Variants in KIAA0930 observed in about 807,000 individuals in gnomAD.
KIAA0930 encodes KIAA0930, also known as uncharacterized protein KIAA0930.
Under a neutral mutation model 43.9 loss-of-function variants are expected in KIAA0930, and 24 were observed. The ratio of observed to expected loss-of-function variants is 0.55; its 90% CI spans 0.40 to 0.77. KIAA0930 has a LOEUF of 0.77. Ranked by LOEUF, KIAA0930 falls within the 30% of genes least tolerant of loss-of-function variation. KIAA0930 has a pLI of 0.00. For synonymous variants in KIAA0930, 259 were observed against 216.4 expected, an observed-to-expected ratio of 1.20 and a Z score of -1.73; for missense variants, 461 against 574.2, an observed-to-expected ratio of 0.80 and a Z score of 2.02.
chr22:45,217,319 C>A (rs1158223340), intron 1 of KIAA0930, among the ~76,000 whole-genome samples: 5 of 139,734 alleles, frequency 3.6e-5, no homozygotes, highest in Non-Finnish European at 6.0e-5. Context: ...TAAAATCACG[C>A]CACTGCACTC....
At chr22:45,204,025 C>T in intron 5 of KIAA0930, 40 bp from the exon 6 acceptor site, 1 of 1,612,244 alleles carries the variant, frequency 6.2e-7, no homozygotes, top group Non-Finnish European at 8.5e-7. Flanking sequence ...TGACCATCAG[C>T]TCCCACCGCC....
chr22:45,233,835 G>T (rs1046065134), intron 1 of KIAA0930, among the ~76,000 whole-genome samples: 6 of 152,196 alleles, frequency 3.9e-5, no homozygotes, highest in African/African-American at 1.4e-4. Context: ...CAGGGGTTAT[G>T]ATATTAGATG....
At chr22:45,206,954 C>T (rs951989017) in intron 2 of KIAA0930, among the ~76,000 whole-genome samples, 1 of 151,940 alleles carries the variant, frequency 6.6e-6, no homozygotes, top group African/African-American at 2.4e-5. Context: ...CCACCTCGGC[C>T]TCCTAAAGTG....
Position 45,205,693 on chromosome 22 carries a change from C to T in KIAA0930, c.351G>A (p.Val117=). Residue 117 remains valine, a synonymous_variant, in exon 4 of 10, where the codon GTG becomes GTA. Transcript: ENST00000336156. ...CAGCACGTGTGCACACCGCACAGGTCACCATGTAGTCCAGCTGGAAGAGAG... is the reference window on the plus strand; with the variant it reads ...CAGCACGTGTGCACACCGCACAGGTTACCATGTAGTCCAGCTGGAAGAGAG... ...NLILQKLDYM[V]TCAVCTRADG... is the part of the protein sequence containing the mutation. The T allele has an allele frequency of 6.2e-7, 1 of 1,614,108 alleles. No homozygotes were observed. Among genetic ancestry groups the T allele is most frequent in the Non-Finnish European group, 8.5e-7 (1 of 1,180,018 alleles).
intron 1 of KIAA0930, among the ~76,000 whole-genome samples, chr22:45,222,296 CA>C (rs1425563494): frequency 1.4e-5 from 2 of 146,226 alleles, no homozygotes; most frequent in Admixed American, 6.6e-5. Context: ...GAAGAATGAT[CA>C]ATCAAACTAT....
Position 45,205,651 on chromosome 22 carries a change from G to A in KIAA0930, c.393C>T (p.His131=). The A allele has an allele frequency of 6.2e-7, 1 of 1,614,036 alleles. No homozygotes were observed. Among genetic ancestry groups the A allele is most frequent in the Non-Finnish European group, 8.5e-7 (1 of 1,180,016 alleles). ...VCTRADGGDI[H]IHKKKSQQVF... ...TCACCTGAGATTTCTTCTTATGGAT[G>A]TGAATGTCCCCGCCGTCAGCACGTG... is the stretch of plus-strand genomic sequence containing the variant. Residue 131 remains histidine (H), a synonymous_variant, in exon 4 of 10, where the codon CAC becomes CAT. Transcript: ENST00000336156.
intron 7 of KIAA0930, chr22:45,201,154 CG>C (rs2083585496): frequency 2.3e-6 from 1 of 427,400 alleles, no homozygotes; most frequent in Non-Finnish European, 4.7e-6. Flanking sequence ...TCCCACAAGC[CG>C]GGGAAGGTTT....
At chr22:45,233,679 G>A (rs1372399405) in intron 1 of KIAA0930, among the ~76,000 whole-genome samples, 5 of 152,134 alleles carry the variant, frequency 3.3e-5, no homozygotes, top group South Asian at 4.1e-4. Context: ...CAGGACAGCC[G>A]GGTTTGGGTG....
chr22:45,193,537 G>T lies in KIAA0930; in HGVS notation c.*3639C>A, dbSNP rs1034261074. 2 of 152,164 alleles carry T rather than the reference G, an allele frequency of 1.3e-5. No individual in the cohort carries two copies. Among genetic ancestry groups the T allele is most frequent in the African/African-American group, 2.4e-5 (1 of 41,428 alleles). The allele number at this position is 152,164 out of a possible 1,614,324, so 9.4% of individuals were successfully genotyped here. On this transcript the variant is annotated 3_prime_UTR_variant, in exon 10 of 10. Transcript: ENST00000336156. ...TTGAGTGCAGGTACATTCTTTGGGG[G>T]AGGGCACCTCAGGAACATGCATTTA...
intron 1 of KIAA0930, among the ~76,000 whole-genome samples, chr22:45,239,743 C>T (rs2083905812): frequency 6.6e-6 from 1 of 152,194 alleles, no homozygotes; most frequent in Admixed American, 6.5e-5. Context: ...CTGTCACCCC[C>T]TCAGAAATCC....
intron 1 of KIAA0930, among the ~76,000 whole-genome samples, chr22:45,234,729 CAT>C (rs1450155527): frequency 3.3e-5 from 5 of 152,232 alleles, no homozygotes; most frequent in African/African-American, 9.6e-5. Flanking sequence ...TTTCCAACCA[CAT>C]GAGACCAATT....
At chr22:45,212,543 G>C in intron 1 of KIAA0930, 1 of 1,401,252 alleles carries the variant, frequency 7.1e-7, no homozygotes, top group Non-Finnish European at 9.3e-7. Flanking sequence ...ACTCCCCCTG[G>C]CTGCGGCAGT....
Position 45,203,124 on chromosome 22 carries a change from T to C in KIAA0930, c.718A>G (p.Met240Val), listed in dbSNP as rs1239255753. The change falls in exon 7 of 10, where the codon ATG (methionine) becomes GTG (valine). Residue 240 changes from methionine (M) to valine (V), a missense_variant. Coordinates refer to ENST00000336156, the MANE Select transcript of KIAA0930 (RefSeq NM_001009880.2). ...MSFGFYKYSN[M>V]EFVRMKGPQG... ...GGGCCCTTCATGCGCACAAACTCCA[T>C]GTTGCTGTACTTGTAGAAGCCAAAC... The C allele has an allele frequency of 4.3e-6, 7 of 1,613,590 alleles. No homozygotes were observed. Among genetic ancestry groups the C allele is most frequent in the Non-Finnish European group, 5.9e-6 (7 of 1,179,770 alleles).
rs1217087349 is a variant in KIAA0930 at position 45,205,905 on chromosome 22, T to C, written c.224A>G (p.Glu75Gly). 1 of 1,613,094 alleles carries C rather than the reference T, an allele frequency of 6.2e-7. No homozygotes were observed. The highest frequency in any genetic ancestry group is 1.3e-5 in the African/African-American group (1 of 74,856). The change falls in exon 3 of 10, where the codon GAG becomes GGG. Residue 75 changes from glutamate (E) to glycine (G), a missense_variant. Physicochemically the swap from Glu to Gly is moderately conservative, Grantham distance 98 (BLOSUM62 -2). Transcript: ENST00000336156. ...GTACACCTCCACCTCCACCTCAGGC[T>C]CAGCTGCCTGCGAGGCCCAGAGCAG... is the stretch of plus-strand genomic sequence containing the variant. ...ESGADGRKAAEPEVEVEVYRR... is the reference protein window; with the variant it reads ...ESGADGRKAAGPEVEVEVYRR...
intron 1 of KIAA0930, among the ~76,000 whole-genome samples, chr22:45,239,648 G>A (rs1011469863): frequency 6.6e-5 from 10 of 152,218 alleles, no homozygotes; most frequent in Non-Finnish European, 1.5e-4. Context: ...ACCTTAGGGG[G>A]ATGCACTTGT....
chr22:45,228,740 C>G (rs1163986750), intron 1 of KIAA0930, among the ~76,000 whole-genome samples: 21 of 89,280 alleles, frequency 2.4e-4, no homozygotes, highest in Non-Finnish European at 2.2e-4. Flanking sequence ...CTCTCCACCC[C>G]CCTACCACCA....
At position 45,196,244 on chromosome 22, in the gene KIAA0930, TG is replaced by T. The variant is rs1219037903; in HGVS notation, c.*931del. 1 of 152,182 alleles carries T rather than the reference TG, an allele frequency of 6.6e-6. No individual in the cohort carries two copies. The highest frequency in any genetic ancestry group is 2.4e-5 in the African/African-American group (1 of 41,392). 9.4% of individuals were successfully genotyped at this position (152,182 alleles called of 1,614,324 possible). On this transcript the variant is annotated 3_prime_UTR_variant, in exon 10 of 10. Transcript: ENST00000336156. The surrounding 1 kb of genome is among the most constrained non-coding windows in gnomAD (Gnocchi z 4.1). ...TGCCTCAGTGAGCTGGTCTGAGAGA[TG>T]GGACCAACACACGCCGTCAAAGGAA...
At chr22:45,202,684 T>G in intron 7 of KIAA0930, 1 of 275,898 alleles carries the variant, frequency 3.6e-6, no homozygotes, top group Non-Finnish European at 6.8e-6. Context: ...CAGCCTGGCT[T>G]TGTGGCATCT....
chr22:45,199,827 G>C, intron 8 of KIAA0930, 46 bp downstream of exon 8: 1 of 1,453,482 alleles, frequency 6.9e-7, no homozygotes, highest in East Asian at 2.6e-5. Context: ...GGATCAAGAA[G>C]AGACTGAAGG....
Sources: allele counts gnomAD v4.1 joint callset (sites outside exome capture counted in the v4.1 genomes callset), GRCh38; gene constraint gnomAD v4.1.1; non-coding constraint Gnocchi (gnomAD v3.1); transcripts MANE v1.5; gene names NCBI Gene and HGNC (gene_info 2026-07-23, HGNC 2026-07-21).